The following NAV3 variants were observed in gnomAD, a reference collection of about 807,000 sequenced individuals.
The protein encoded by NAV3 is pore membrane and/or filament interacting like protein 1.
A neutral mutation model predicts 244.7 loss-of-function variants in NAV3; 87 were observed. The ratio of observed to expected loss-of-function variants is 0.36; its 90% CI spans 0.30 to 0.42. NAV3 has a LOEUF of 0.42. Among genes scored for constraint, NAV3 ranks in the 20% least tolerant of loss-of-function variants. The pLI is 1.00. For synonymous variants in NAV3, 1,126 were observed against 1,042.2 expected (o/e 1.08, Z -1.55); for missense variants, 2,663 against 2,893.3 (o/e 0.92, Z 1.83).
chr12:77,677,941 T>TC (rs1874279961), intron 2 of NAV3, among the ~76,000 whole-genome samples: 1 of 152,178 alleles, frequency 6.6e-6, no homozygotes, highest in South Asian at 2.1e-4. Context: ...AGATTTTTTT[T>TC]CACAGATTTA....
chr12:77,664,839 T>G (rs184340326), intron 2 of NAV3, among the ~76,000 whole-genome samples: 94 of 152,356 alleles, frequency 6.2e-4, no homozygotes, highest in Non-Finnish European at 1.0e-3. Flanking sequence ...AATCTTAATC[T>G]GCATGTAATA....
At chr12:77,632,512 T>C (rs1871958335) in intron 2 of NAV3, among the ~76,000 whole-genome samples, 1 of 152,138 alleles carries the variant, frequency 6.6e-6, no homozygotes, top group African/African-American at 2.4e-5. Context: ...CTTATCACTG[T>C]CACAAGAACA....
At chr12:77,630,344 A>G (rs1371114277) in intron 2 of NAV3, among the ~76,000 whole-genome samples, 1 of 152,196 alleles carries the variant, frequency 6.6e-6, no homozygotes, top group Non-Finnish European at 1.5e-5. Context: ...ATAGATTAGC[A>G]AATTATTACT....
intron 2 of NAV3, among the ~76,000 whole-genome samples, chr12:77,806,764 G>A (rs974491074): frequency 3.9e-5 from 6 of 152,104 alleles, no homozygotes; most frequent in African/African-American, 1.4e-4. Context: ...TTGACAGTGG[G>A]TTGTTAAATT....
chr12:77,807,689 T>C (rs1383479478), intron 2 of NAV3, among the ~76,000 whole-genome samples: 2 of 152,188 alleles, frequency 1.3e-5, no homozygotes. Flanking sequence ...ATCTTTGTGG[T>C]GTTCTCTGTG....
chr12:78,141,915 A>G lies in NAV3; in HGVS notation c.4683+1581A>G, dbSNP rs573201068. On this transcript the variant is annotated intron_variant, in intron 20 of 39. Coordinates refer to ENST00000397909, the MANE Select transcript of NAV3 (RefSeq NM_001024383.2). ...AAAGATGTAGCATCATTATTATTCT[A>G]AATACATACAATAATTAATATTTGG... Among the ~76,000 whole-genome samples, 21 of 152,284 alleles carry G rather than the reference A, an allele frequency of 1.4e-4. No individual in the cohort carries two copies. In the South Asian group the frequency reaches 2.5e-3, roughly 18 times the overall value.
At position 78,174,200 on chromosome 12, in the gene NAV3, A is replaced by T. The variant is rs149243220; in HGVS notation, c.4982-1106A>T. Among the ~76,000 whole-genome samples the T allele has an allele frequency of 2.1e-3, 322 of 151,906 alleles. 1 individual carries two copies. The highest frequency in any genetic ancestry group is 7.4e-3 in the African/African-American group (308 of 41,528). On this transcript the variant is annotated intron_variant, in intron 24 of 39. Transcript: ENST00000397909. Reference sequence around the variant, plus strand: ...TAAATTTTCTTAGTGTCTCAGTAATACTTAATACTAGTGCATTTTAGGTAG... The same window carrying T: ...TAAATTTTCTTAGTGTCTCAGTAATTCTTAATACTAGTGCATTTTAGGTAG...
chr12:77,647,296 G>T (rs1378198817), intron 2 of NAV3, among the ~76,000 whole-genome samples: 1 of 152,092 alleles, frequency 6.6e-6, no homozygotes. Flanking sequence ...TAAAAGGAGA[G>T]CAATTCCCCA....
intron 2 of NAV3, among the ~76,000 whole-genome samples, chr12:77,709,959 G>A (rs1876027046): frequency 6.6e-6 from 1 of 152,158 alleles, no homozygotes; most frequent in Non-Finnish European, 1.5e-5. Context: ...ACCCAAATGA[G>A]CTATTATGGA....
At position 78,118,094 on chromosome 12, in the gene NAV3, A is replaced by C; in HGVS notation, c.2837A>C (p.Lys946Thr). ...ETWDSPEELKKPEEDFDSHGD... is the reference protein window; with the variant it reads ...ETWDSPEELKTPEEDFDSHGD... ...TGGGATAGTCCTGAGGAACTGAAAA[A>C]ACCAGAAGAAGATTTTGACAGCCAT... The change falls in exon 14 of 40, where the codon AAA becomes ACA. Residue 946 changes from lysine to threonine, a missense_variant. Physicochemically the swap from Lys to Thr is moderately conservative, Grantham distance 78 (BLOSUM62 -1). Transcript: ENST00000397909. The C allele has an allele frequency of 6.2e-7, 1 of 1,614,066 alleles. No homozygotes were observed.
At chr12:77,831,828 T>A in intron 1 of NAV3, 124 bp downstream of exon 1, 1 of 1,077,810 alleles carries the variant, frequency 9.3e-7, no homozygotes, top group Non-Finnish European at 1.3e-6. Flanking sequence ...ATGTAAGTAG[T>A]TATAATGGCT....
chr12:77,857,616 G>A (rs1364666717), intron 1 of NAV3, among the ~76,000 whole-genome samples: 1 of 151,374 alleles, frequency 6.6e-6, no homozygotes, highest in Non-Finnish European at 1.5e-5. Context: ...ACCATTATCT[G>A]TAATTATATA....
intron 2 of NAV3, among the ~76,000 whole-genome samples, chr12:77,640,067 C>A (rs1326282311): frequency 2.0e-5 from 3 of 152,110 alleles, no homozygotes; most frequent in Non-Finnish European, 4.4e-5. Context: ...GAGATTAAGG[C>A]TTGTTGATGA....
intron 34 of NAV3, among the ~76,000 whole-genome samples, chr12:78,190,991 C>T (rs972346543): frequency 7.2e-5 from 11 of 152,172 alleles, no homozygotes; most frequent in East Asian, 5.8e-4. Flanking sequence ...AAGTTTCTGT[C>T]GGGAAAATGC....
At chr12:77,719,434 T>C (rs573861383) in intron 2 of NAV3, among the ~76,000 whole-genome samples, 1 of 152,158 alleles carries the variant, frequency 6.6e-6, no homozygotes, top group East Asian at 1.9e-4. Context: ...AGTATGATTT[T>C]AGCTGTGGGT....
At chr12:77,650,003 C>T (rs571952090) in intron 2 of NAV3, among the ~76,000 whole-genome samples, 20 of 152,232 alleles carry the variant, frequency 1.3e-4, no homozygotes, top group Middle Eastern at 3.4e-3. Flanking sequence ...GGTATGGCCC[C>T]GGTGTCCTTT....
intron 12 of NAV3, among the ~76,000 whole-genome samples, chr12:78,084,694 C>T (rs969261508): frequency 6.6e-6 from 1 of 152,072 alleles, no homozygotes; most frequent in Admixed American, 6.6e-5. Context: ...GTTGAATCCA[C>T]TCCATTCAGT....
At chr12:77,942,351 A>AG (rs1294631064) in intron 3 of NAV3, among the ~76,000 whole-genome samples, 1 of 152,046 alleles carries the variant, frequency 6.6e-6, no homozygotes, top group Non-Finnish European at 1.5e-5. Flanking sequence ...CGGCCTGGGC[A>AG]ATACGAGCAA....
At chr12:77,992,048 G>A (rs571891550) in intron 5 of NAV3, among the ~76,000 whole-genome samples, 159 of 151,880 alleles carry the variant, frequency 1.0e-3, no homozygotes, top group Non-Finnish European at 2.1e-3. Flanking sequence ...ATTTTATAAA[G>A]GATCTTGAAT....
Sources: gnomAD v4.1 joint callset for allele counts (sites outside exome capture counted in the v4.1 genomes callset) on GRCh38, gnomAD v4.1.1 for gene constraint, MANE v1.5 for transcripts, NCBI Gene and HGNC (gene_info 2026-07-23, HGNC 2026-07-21) for gene names.